Variants in TRARG1 observed in about 807,000 individuals in gnomAD.
TRARG1 encodes the protein trafficking regulator of GLUT4 (SLC2A4) 1 (gene/pseudogene), also known as trafficking regulator of GLUT4 1.
A neutral mutation model predicts 13.3 loss-of-function variants in TRARG1; 16 were observed. The ratio of observed to expected loss-of-function variants is 1.20; its 90% CI spans 0.81 to 1.83. The LOEUF (loss-of-function observed/expected upper bound fraction) is 1.83. Ranked by LOEUF, TRARG1 falls within the 40% of genes most tolerant of loss-of-function variation. The pLI, the probability that TRARG1 is intolerant of heterozygous loss-of-function variation, is 0.00. For missense variants in TRARG1, 250 were observed against 237.4 expected, an observed-to-expected ratio of 1.05 and a Z score of -0.35; for synonymous variants, 113 against 106.2, an observed-to-expected ratio of 1.06 and a Z score of -0.39.
Position 1,295,551 on chromosome 17 carries a change from C to G in TRARG1, c.448C>G (p.Arg150Gly). 6.2e-7 allele frequency: 1 copy of G among 1,613,254 alleles called. No individual in the cohort carries two copies. The highest frequency in any genetic ancestry group is 1.1e-5 in the South Asian group (1 of 91,048). Residue 150 changes from arginine (R) to glycine (G), a missense_variant, in exon 2 of 3, where the codon CGG becomes GGG. Physicochemically the swap from Arg to Gly is moderately radical, Grantham distance 125. Coordinates refer to ENST00000333813, the MANE Select transcript of TRARG1 (RefSeq NM_172367.3). ...DGARRLGRLA[R>G]LLSITLIIMG... ...CGCCCGGAGGCTGGGCCGCCTGGCT[C>G]GGCTGCTCAGCATTACCCTCATCAT...
chr17:1,287,361 T>G (rs995061249), intron 1 of TRARG1, among the ~76,000 whole-genome samples: 16 of 152,074 alleles, frequency 1.1e-4, no homozygotes, highest in Middle Eastern at 3.4e-3. Context: ...TTTTTGTTTT[T>G]TTTTGTTTTC....
At chr17:1,294,206 C>A (rs570623267) in intron 1 of TRARG1, among the ~76,000 whole-genome samples, 2 of 152,156 alleles carry the variant, frequency 1.3e-5, no homozygotes, top group East Asian at 3.9e-4. Flanking sequence ...CCACCTCCTA[C>A]CAAGTCATCC....
At chr17:1,293,454 G>A (rs534251167) in intron 1 of TRARG1, among the ~76,000 whole-genome samples, 142 of 151,768 alleles carry the variant, frequency 9.4e-4, no homozygotes, top group Non-Finnish European at 8.5e-4. Flanking sequence ...TGATGATGTC[G>A]TGGGTTGGGT....
At chr17:1,292,132 C>T (rs2072073568) in intron 1 of TRARG1, among the ~76,000 whole-genome samples, 1 of 152,134 alleles carries the variant, frequency 6.6e-6, no homozygotes, top group Admixed American at 6.6e-5. Context: ...CTCGCCATTG[C>T]ACTACAGCCT....
rs1467496036 is a variant in TRARG1, at chr17:1,298,632, C to T, written c.*368C>T. 2.2e-5 allele frequency: 6 copies of T among 269,404 alleles called. No homozygotes were observed. Among genetic ancestry groups the T allele is most frequent in the Middle Eastern group, 1.1e-3 (1 of 912 alleles). The allele number at this position is 269,404 out of a possible 1,614,324, so 16.7% of individuals were successfully genotyped here. Reference sequence around the variant, plus strand: ...AACCCAGCCCCACAAACGAGACACACGCTGGCGGGGAGAGACGCAGCAGAG... The same window carrying T: ...AACCCAGCCCCACAAACGAGACACATGCTGGCGGGGAGAGACGCAGCAGAG... On this transcript the variant is annotated 3_prime_UTR_variant, in exon 3 of 3. Coordinates refer to ENST00000333813, the MANE Select transcript of TRARG1 (RefSeq NM_172367.3).
intron 1 of TRARG1, among the ~76,000 whole-genome samples, chr17:1,288,757 C>A (rs1363130658): frequency 8.2e-5 from 5 of 61,070 alleles, no homozygotes; most frequent in Non-Finnish European, 1.4e-4. Flanking sequence ...TCCCCATCCC[C>A]CACGGGTTCC....
chr17:1,281,968 G>A (rs1567927775), intron 1 of TRARG1, among the ~76,000 whole-genome samples: 1 of 149,144 alleles, frequency 6.7e-6, no homozygotes, highest in Non-Finnish European at 1.5e-5. Flanking sequence ...GTACATATAT[G>A]CACACGTGTA....
At chr17:1,298,115 C>T in intron 2 of TRARG1, 136 bp from the exon 3 acceptor site, 1 of 1,016,876 alleles carries the variant, frequency 9.8e-7, no homozygotes, top group Non-Finnish European at 1.4e-6. Flanking sequence ...CAAAGAGGTT[C>T]CCAAGCCTTA....
At chr17:1,282,256 GTA>G (rs897323471) in intron 1 of TRARG1, among the ~76,000 whole-genome samples, 2 of 125,938 alleles carry the variant, frequency 1.6e-5, no homozygotes, top group African/African-American at 6.2e-5. Context: ...GTATATGTAC[GTA>G]TATGTACATA....
At chr17:1,297,450 G>T (rs2072120039) in intron 2 of TRARG1, among the ~76,000 whole-genome samples, 1 of 152,076 alleles carries the variant, frequency 6.6e-6, no homozygotes, top group Admixed American at 6.6e-5. Flanking sequence ...TGGAGCGTGT[G>T]TGACAGTTTC....
intron 1 of TRARG1, among the ~76,000 whole-genome samples, chr17:1,292,566 C>T (rs910827338): frequency 1.3e-5 from 2 of 152,010 alleles, no homozygotes; most frequent in Admixed American, 1.3e-4. Flanking sequence ...CCTACCTCCT[C>T]AGTCAGCGAC....
Position 1,280,354 on chromosome 17 carries a change from C to T in TRARG1, c.353C>T (p.Pro118Leu), listed in dbSNP as rs768832176. 1 of 1,609,522 alleles carries T rather than the reference C, an allele frequency of 6.2e-7. No individual in the cohort carries two copies. ...GTCGCCTGCTTCTGCCCCGTCTGGC[C>T]CCTCAACCTCATCCCCCTCATCATT... ...AVVACFCPVWPLNLIPLIISI... is the reference protein window; with the variant it reads ...AVVACFCPVWLLNLIPLIISI... Residue 118 changes from proline to leucine, a missense_variant, in exon 1 of 3, where the codon CCC (proline) becomes CTC (leucine). Physicochemically the swap from Pro to Leu is moderately conservative, Grantham distance 98. Coordinates refer to ENST00000333813, the MANE Select transcript of TRARG1 (RefSeq NM_172367.3).
rs1035659492 is a variant in TRARG1 at position 1,300,284 on chromosome 17, G to C, written c.*2020G>C. 1 of 152,180 alleles carries C rather than the reference G, an allele frequency of 6.6e-6. No homozygotes were observed. The highest frequency in any genetic ancestry group is 2.4e-5 in the African/African-American group (1 of 41,400). The allele number at this position is 152,180 out of a possible 1,614,324, so 9.4% of individuals were successfully genotyped here. ...GTGGGCGTTTTCCCGGCAGGCCCCC[G>C]GGGTCCTCAGCCTCAGCAACCCAGG... On this transcript the variant is annotated 3_prime_UTR_variant, in exon 3 of 3. Coordinates refer to ENST00000333813, the MANE Select transcript of TRARG1 (RefSeq NM_172367.3).
chr17:1,293,238 T>G (rs11658566), intron 1 of TRARG1, among the ~76,000 whole-genome samples: 12 of 144,716 alleles, frequency 8.3e-5, no homozygotes, highest in African/African-American at 2.6e-4. Flanking sequence ...GAACCGAGAT[T>G]GCGCCACTGC....
chr17:1,297,023 T>G (rs2150813004), intron 2 of TRARG1, among the ~76,000 whole-genome samples: 1 of 152,258 alleles, frequency 6.6e-6, no homozygotes, highest in African/African-American at 2.4e-5. Context: ...TGGGGGGTCA[T>G]CCGGGTCTGA....
chr17:1,293,600 A>G (rs80284410), intron 1 of TRARG1, among the ~76,000 whole-genome samples: 16 of 112,834 alleles, frequency 1.4e-4, no homozygotes, highest in African/African-American at 1.9e-4. Context: ...GTTGAGTTTG[A>G]TGATGTCGTG....
At chr17:1,288,836 T>C (rs192488736) in intron 1 of TRARG1, among the ~76,000 whole-genome samples, 20 of 5,020 alleles carry the variant, frequency 4.0e-3, no homozygotes, top group South Asian at 8.2e-3. Flanking sequence ...CCCCCACGGG[T>C]TCCCCATCCC....
chr17:1,292,887 G>T (rs1404903977), intron 1 of TRARG1, among the ~76,000 whole-genome samples: 1 of 152,214 alleles, frequency 6.6e-6, no homozygotes, highest in Non-Finnish European at 1.5e-5. Context: ...CCTCCGCGCT[G>T]CTGCGTCCTG....
At chr17:1,282,360 A>ACATATACGTACG (rs1555630901) in intron 1 of TRARG1, among the ~76,000 whole-genome samples, 2 of 31,972 alleles carry the variant, frequency 6.3e-5, no homozygotes, top group Non-Finnish European at 5.8e-5. Context: ...GTATATATGT[A>ACATATACGTACG]TATATGTACG....
Sources: gnomAD v4.1 joint callset for allele counts (sites outside exome capture counted in the v4.1 genomes callset) on GRCh38, gnomAD v4.1.1 for gene constraint, MANE v1.5 for transcripts, NCBI Gene and HGNC (gene_info 2026-07-23, HGNC 2026-07-21) for gene names.